MAGI3: variants seen among roughly 807,000 people sequenced by gnomAD.
MAGI3 encodes the protein membrane associated guanylate kinase, WW and PDZ domain containing 3, also known as membrane-associated guanylate kinase, WW and PDZ domain-containing protein 3.
Under a neutral mutation model 121.8 loss-of-function variants are expected in MAGI3, and 43 were observed. That is an observed-to-expected ratio of 0.35 (90% CI 0.28 to 0.46). MAGI3 has a LOEUF of 0.46. Ranked by LOEUF, MAGI3 falls within the 20% of genes least tolerant of loss-of-function variation. MAGI3 has a pLI of 1.00. For synonymous variants in MAGI3, 553 were observed against 639.3 expected, an observed-to-expected ratio of 0.86 and a Z score of 2.04; for missense variants, 1,547 against 1,797.3, an observed-to-expected ratio of 0.86 and a Z score of 2.52.
chr1:113,684,126 T>C lies in MAGI3; in HGVS notation c.*112T>C. 1.7e-6 allele frequency: 2 copies of C among 1,209,334 alleles called. No individual in the cohort carries two copies. Among genetic ancestry groups the C allele is most frequent in the Non-Finnish European group, 2.2e-6 (2 of 898,644 alleles). The allele number at this position is 1,209,334 out of a possible 1,614,324, so 74.9% of individuals were successfully genotyped here. On this transcript the variant is annotated 3_prime_UTR_variant, in exon 21 of 21. Coordinates refer to ENST00000307546, the MANE Select transcript of MAGI3 (RefSeq NM_001142782.2). ...TATTCTGAAACAGATAAGTACATGT[T>C]AATGTGAGCCTCAAGTTACCTAGGC...
intron 1 of MAGI3, among the ~76,000 whole-genome samples, chr1:113,441,815 G>A (rs1653929544): frequency 6.6e-6 from 1 of 152,136 alleles, no homozygotes. Flanking sequence ...GCAGAATGAA[G>A]TATGTTCTTT....
intron 6 of MAGI3, among the ~76,000 whole-genome samples, chr1:113,606,622 C>A (rs1649790158): frequency 1.3e-5 from 2 of 152,118 alleles, no homozygotes; most frequent in African/African-American, 4.8e-5. Flanking sequence ...TTTCCTCTTG[C>A]TTTTGAGTCT....
At chr1:113,394,628 C>T (rs185258129) in intron 1 of MAGI3, among the ~76,000 whole-genome samples, 221 of 152,228 alleles carry the variant, frequency 1.5e-3, no homozygotes, top group African/African-American at 5.0e-3. Context: ...TCTAATTGTG[C>T]AGAGTTTTAT....
chr1:113,442,463 A>AT (rs1025634734), intron 1 of MAGI3, among the ~76,000 whole-genome samples: 11 of 152,252 alleles, frequency 7.2e-5, no homozygotes, highest in South Asian at 4.2e-4. Flanking sequence ...GTTACTGAAG[A>AT]ATTGGTTTTA....
At chr1:113,416,468 A>AT (rs58698270) in intron 1 of MAGI3, among the ~76,000 whole-genome samples, 14 of 162 alleles carry the variant, frequency 0.086, 1 homozygote, top group African/African-American at 0.14. Flanking sequence ...ATTATATATA[A>AT]TTTATAAATA....
At chr1:113,623,439 T>TATATACACAC (rs1650975294) in intron 9 of MAGI3, among the ~76,000 whole-genome samples, 1 of 102,224 alleles carries the variant, frequency 9.8e-6, no homozygotes, top group Admixed American at 9.5e-5. Flanking sequence ...AATACACATA[T>TATATACACAC]ATATACACAC....
chr1:113,554,034 A>G (rs1376128776), intron 2 of MAGI3, among the ~76,000 whole-genome samples: 1 of 152,216 alleles, frequency 6.6e-6, no homozygotes, highest in East Asian at 1.9e-4. Flanking sequence ...AAATAGAAAG[A>G]CAACAAAATG....
chr1:113,528,189 C>CT (rs1026201060), intron 1 of MAGI3, among the ~76,000 whole-genome samples: 5 of 151,440 alleles, frequency 3.3e-5, no homozygotes, highest in South Asian at 2.1e-4. Context: ...TTTTTTATGG[C>CT]TTTTTTTTCC....
At chr1:113,515,132 A>G (rs181005331) in intron 1 of MAGI3, among the ~76,000 whole-genome samples, 30 of 152,238 alleles carry the variant, frequency 2.0e-4, no homozygotes, top group African/African-American at 6.3e-4. Flanking sequence ...TATGAGAAGG[A>G]GAAAACCATT....
intron 1 of MAGI3, among the ~76,000 whole-genome samples, chr1:113,446,265 G>A (rs1222345349): frequency 2.0e-5 from 3 of 152,116 alleles, no homozygotes; most frequent in African/African-American, 7.2e-5. Context: ...AGCTGTTATG[G>A]GAGCAGAGTT....
chr1:113,465,647 T>G (rs937597143), intron 1 of MAGI3, among the ~76,000 whole-genome samples: 3 of 152,190 alleles, frequency 2.0e-5, no homozygotes, highest in African/African-American at 7.2e-5. Flanking sequence ...TGGAATATCT[T>G]TCAATTTTTT....
In MAGI3 at chr1:113,590,637, C is replaced by G; in HGVS notation, c.917C>G (p.Thr306Arg). 2 of 1,613,602 alleles carry G rather than the reference C, an allele frequency of 1.2e-6. No homozygotes were observed. The highest frequency in any genetic ancestry group is 1.7e-6 in the Non-Finnish European group (2 of 1,179,650). Residue 306 changes from threonine to arginine, a missense_variant, in exon 5 of 21, where the codon ACA becomes AGA. Thr to Arg is a moderately conservative substitution (Grantham distance 71, BLOSUM62 -1). Coordinates refer to ENST00000307546, the MANE Select transcript of MAGI3 (RefSeq NM_001142782.2). ...PKNWEMAYTDTGMIYFIDHNT... is the reference protein window; with the variant it reads ...PKNWEMAYTDRGMIYFIDHNT... Reference sequence around the variant, plus strand: ...AACTGGGAAATGGCCTACACTGACACAGGGATGATCTACTTCATTGAGTAA... The same window carrying G: ...AACTGGGAAATGGCCTACACTGACAGAGGGATGATCTACTTCATTGAGTAA...
intron 6 of MAGI3, among the ~76,000 whole-genome samples, chr1:113,611,367 C>T (rs1279194808): frequency 2.0e-5 from 3 of 152,036 alleles, no homozygotes; most frequent in South Asian, 2.1e-4. Context: ...GGATTACAGG[C>T]GTGAGTCACC....
At chr1:113,626,738 A>G (rs1651262724) in intron 9 of MAGI3, among the ~76,000 whole-genome samples, 1 of 152,174 alleles carries the variant, frequency 6.6e-6, no homozygotes, top group Non-Finnish European at 1.5e-5. Context: ...TTGTTGGCAT[A>G]TAGTTGCTCA....
intron 16 of MAGI3, among the ~76,000 whole-genome samples, chr1:113,661,723 G>A (rs1653793366): frequency 6.6e-6 from 1 of 151,754 alleles, no homozygotes; most frequent in Non-Finnish European, 1.5e-5. Flanking sequence ...CAGTTTGTGT[G>A]CAGAGAAAAG....
At chr1:113,669,719 G>A (rs893162464) in intron 16 of MAGI3, among the ~76,000 whole-genome samples, 10 of 149,828 alleles carry the variant, frequency 6.7e-5, no homozygotes, top group South Asian at 2.1e-4. Flanking sequence ...TAGTAGAGAC[G>A]GGGTTTCACC....
chr1:113,661,543 A>C (rs1279484916), intron 16 of MAGI3, among the ~76,000 whole-genome samples: 1 of 152,214 alleles, frequency 6.6e-6, no homozygotes. Flanking sequence ...AGGAAAAAAA[A>C]CTACTTCTTT....
chr1:113,523,328 G>A (rs1034540018), intron 1 of MAGI3, among the ~76,000 whole-genome samples: 1 of 152,188 alleles, frequency 6.6e-6, no homozygotes, highest in African/African-American at 2.4e-5. Flanking sequence ...CCAAAAATGT[G>A]GAAGTGACGT....
At chr1:113,682,740 T>C (rs1379251384) in intron 20 of MAGI3, 157 bp from the exon 21 acceptor site, 5 of 983,346 alleles carry the variant, frequency 5.1e-6, no homozygotes, top group Non-Finnish European at 6.0e-6. Flanking sequence ...ACATCCGCCT[T>C]TATAGAGAGA....
Sources: allele counts gnomAD v4.1 joint callset (sites outside exome capture counted in the v4.1 genomes callset), GRCh38; gene constraint gnomAD v4.1.1; transcripts MANE v1.5; gene names NCBI Gene and HGNC (gene_info 2026-07-23, HGNC 2026-07-21).